MAP2K5: variants seen among roughly 807,000 people sequenced by gnomAD.
MAP2K5 encodes mitogen-activated protein kinase kinase 5.
A neutral mutation model predicts 83.1 loss-of-function variants in MAP2K5; 49 were observed. The ratio of observed to expected loss-of-function variants is 0.59; its 90% CI spans 0.47 to 0.75. MAP2K5 has a LOEUF of 0.75. Ranked by LOEUF, MAP2K5 falls within the 30% of genes least tolerant of loss-of-function variation. The pLI is 0.00. For synonymous variants in MAP2K5, 202 were observed against 191.8 expected, an observed-to-expected ratio of 1.05 and a Z score of -0.44; for missense variants, 457 against 557.5, an observed-to-expected ratio of 0.82 and a Z score of 1.82.
In MAP2K5 at chr15:67,724,534, A is replaced by T. The variant is rs1014392690; in HGVS notation, c.1045-3382A>T. 3.8e-4 allele frequency among the ~76,000 whole-genome samples: 58 copies of T among 152,098 alleles called. No individual in the cohort carries two copies. The highest frequency in any genetic ancestry group is 7.4e-5 in the Non-Finnish European group (5 of 68,008). On this transcript the variant is annotated intron_variant, in intron 16 of 21. Transcript: ENST00000178640. This position sits in a 1 kb window ranked among gnomAD's most constrained non-coding sequence, Gnocchi z 4.4. Reference sequence around the variant, plus strand: ...ACTAGCCTCCCAAGCAGCTGTGACTACAGACACGTGCCACCACACGCCTCT... The same window carrying T: ...ACTAGCCTCCCAAGCAGCTGTGACTTCAGACACGTGCCACCACACGCCTCT...
At chr15:67,776,791 A>G (rs181779511) in intron 21 of MAP2K5, among the ~76,000 whole-genome samples, 59 of 152,314 alleles carry the variant, frequency 3.9e-4, no homozygotes, top group African/African-American at 1.4e-3. Context: ...GTTATTTGGT[A>G]GCTAAGGTCA....
chr15:67,610,293 ATAACT>A (rs2085889182), intron 8 of MAP2K5, among the ~76,000 whole-genome samples: 1 of 152,228 alleles, frequency 6.6e-6, no homozygotes, highest in South Asian at 2.1e-4. Flanking sequence ...TTATGACAAC[ATAACT>A]TGTTATTTGG....
At chr15:67,623,008 G>A (rs942551165) in intron 8 of MAP2K5, among the ~76,000 whole-genome samples, 5 of 152,146 alleles carry the variant, frequency 3.3e-5, no homozygotes, top group Admixed American at 6.6e-5. Flanking sequence ...AGGCTGAGGT[G>A]GGAGTATGGC....
Position 67,786,520 on chromosome 15 carries a change from G to T in MAP2K5, c.1242+13768G>T, listed in dbSNP as rs2090421061. ...CAGGAGCAGACTAGACATGCCCATT[G>T]GCAACATTTAGAGAAGGTAGATGAG... On this transcript the variant is annotated intron_variant, in intron 21 of 21. Coordinates refer to ENST00000178640, the MANE Select transcript of MAP2K5 (RefSeq NM_145160.3). This position sits in a 1 kb window ranked among gnomAD's most constrained non-coding sequence, Gnocchi z 4.7. Among the ~76,000 whole-genome samples, 1 of 152,188 alleles carries T rather than the reference G, an allele frequency of 6.6e-6. No individual in the cohort carries two copies.
At chr15:67,564,521 G>A (rs1213161204) in intron 3 of MAP2K5, among the ~76,000 whole-genome samples, 3 of 152,138 alleles carry the variant, frequency 2.0e-5, no homozygotes, top group Admixed American at 6.5e-5. Context: ...TTAATTTAGG[G>A]TAGGAGAATA....
chr15:67,742,236 T>C (rs773851596), intron 17 of MAP2K5, among the ~76,000 whole-genome samples: 2 of 152,174 alleles, frequency 1.3e-5, no homozygotes, highest in Admixed American at 6.5e-5. Context: ...AAGAGAATCA[T>C]TGGAATCTCA....
At chr15:67,705,530 T>A (rs1567372873) in intron 16 of MAP2K5, among the ~76,000 whole-genome samples, 1 of 151,396 alleles carries the variant, frequency 6.6e-6, no homozygotes, top group East Asian at 1.9e-4. Flanking sequence ...AAGTCAGGAG[T>A]TCGAGACAAG....
intron 8 of MAP2K5, among the ~76,000 whole-genome samples, chr15:67,619,868 C>T (rs940488746): frequency 3.3e-5 from 5 of 152,002 alleles, no homozygotes; most frequent in African/African-American, 1.2e-4. Context: ...GAGTTCAAGA[C>T]CAGCCTGGGC....
rs958658910 is a variant in MAP2K5 at position 67,553,869 on chromosome 15, C to T, written c.184+3787C>T. Among the ~76,000 whole-genome samples the T allele has an allele frequency of 3.0e-5, 4 of 134,896 alleles. No individual in the cohort carries two copies. In the East Asian group the frequency reaches 7.1e-4, roughly 24 times the overall value. The allele number at this position is 134,896 out of a possible 152,430, so 88.5% of individuals were successfully genotyped here. The stretch of plus-strand genomic sequence containing the variant: ...CGGAGCTTGCAGTGAGCCGAGATTG[C>T]GCCACTGCAGTCCGCAGTCCGGCCT... On this transcript the variant is annotated intron_variant, in intron 2 of 21. Coordinates refer to ENST00000178640, the MANE Select transcript of MAP2K5 (RefSeq NM_145160.3).
At chr15:67,784,334 G>A (rs1327448744) in intron 21 of MAP2K5, among the ~76,000 whole-genome samples, 2 of 152,228 alleles carry the variant, frequency 1.3e-5, no homozygotes, top group Non-Finnish European at 2.9e-5. Flanking sequence ...GAGAATTTCC[G>A]CTAAGTCAAA....
chr15:67,806,388 C>T (rs534629776), intron 21 of MAP2K5, among the ~76,000 whole-genome samples: 3 of 152,154 alleles, frequency 2.0e-5, no homozygotes, highest in Admixed American at 1.3e-4. Flanking sequence ...CAGGCTAGTG[C>T]GAGCCTCAGG....
At position 67,698,652 on chromosome 15, in the gene MAP2K5, T is replaced by C. The variant is rs1277744032; in HGVS notation, c.973-4685T>C. 6.6e-6 allele frequency among the ~76,000 whole-genome samples: 1 copy of C among 152,230 alleles called. No homozygotes were observed. Among genetic ancestry groups the C allele is most frequent in the Non-Finnish European group, 1.5e-5 (1 of 68,040 alleles). The stretch of plus-strand genomic sequence containing the variant: ...CTGAAGTTTTAAAATGAAAAAATCT[T>C]ACTCAAATACTTGGGATCAGAAAGT... On this transcript the variant is annotated intron_variant, in intron 15 of 21. Coordinates refer to ENST00000178640, the MANE Select transcript of MAP2K5 (RefSeq NM_145160.3). The surrounding 1 kb of genome is among the most constrained non-coding windows in gnomAD (Gnocchi z 4.5).
intron 2 of MAP2K5, among the ~76,000 whole-genome samples, chr15:67,556,672 C>A (rs992167210): frequency 7.9e-5 from 12 of 151,804 alleles, no homozygotes; most frequent in African/African-American, 2.9e-4. Context: ...CTGCCTCAGC[C>A]TCCCTAGTAG....
rs2084543230 is a variant in MAP2K5, at chr15:67,552,988, C to T, written c.184+2906C>T. 1.3e-5 allele frequency among the ~76,000 whole-genome samples: 2 copies of T among 151,954 alleles called. No homozygotes were observed. The highest frequency in any genetic ancestry group is 1.3e-4 in the Admixed American group (2 of 15,248). ...GTACTTTTTACTTGCTTTTCGGATC[C>T]CCAAAGTGGCTTGATGTGCCTGTGC... On this transcript the variant is annotated intron_variant, in intron 2 of 21. Coordinates refer to ENST00000178640, the MANE Select transcript of MAP2K5 (RefSeq NM_145160.3). This position sits in a 1 kb window ranked among gnomAD's most constrained non-coding sequence, Gnocchi z 4.2.
At chr15:67,656,326 A>ATTT (rs11411357) in intron 11 of MAP2K5, among the ~76,000 whole-genome samples, 11 of 143,402 alleles carry the variant, frequency 7.7e-5, no homozygotes, top group Admixed American at 1.4e-4. Context: ...AAACCTTTTA[A>ATTT]TTTTTTTTTT....
At position 67,652,707 on chromosome 15, in the gene MAP2K5, T is replaced by C. The variant is rs1237584787; in HGVS notation, c.737-5846T>C. ...AGCAGCATGAAGTACATTAACATGG[T>C]TGTGCAACTGTCACCACCATCCATC... On this transcript the variant is annotated intron_variant, in intron 11 of 21. Coordinates refer to ENST00000178640, the MANE Select transcript of MAP2K5 (RefSeq NM_145160.3). This position sits in a 1 kb window ranked among gnomAD's most constrained non-coding sequence, Gnocchi z 4.2. Among the ~76,000 whole-genome samples, 2 of 152,146 alleles carry C rather than the reference T, an allele frequency of 1.3e-5. No individual in the cohort carries two copies. Among genetic ancestry groups the C allele is most frequent in the Non-Finnish European group, 2.9e-5 (2 of 68,018 alleles).
chr15:67,556,992 C>G (rs1182371536), intron 2 of MAP2K5, among the ~76,000 whole-genome samples: 2 of 152,162 alleles, frequency 1.3e-5, no homozygotes, highest in Non-Finnish European at 2.9e-5. Context: ...ATGTGAGAAC[C>G]TTTCTGAGAT....
chr15:67,679,979 C>T (rs1313440222), intron 13 of MAP2K5: 1 of 152,234 alleles, frequency 6.6e-6, no homozygotes, highest in Non-Finnish European at 1.5e-5. Context: ...CAATCACTCC[C>T]TGCTCCTGTC....
chr15:67,685,506 G>A (rs2087931796), intron 13 of MAP2K5, among the ~76,000 whole-genome samples: 2 of 152,252 alleles, frequency 1.3e-5, no homozygotes, highest in South Asian at 4.1e-4. Context: ...GGAATAAATA[G>A]TTTCACAAAT....
Sources: allele counts gnomAD v4.1 joint callset (sites outside exome capture counted in the v4.1 genomes callset), GRCh38; gene constraint gnomAD v4.1.1; non-coding constraint Gnocchi (gnomAD v3.1); transcripts MANE v1.5; gene names NCBI Gene and HGNC (gene_info 2026-07-23, HGNC 2026-07-21).